The following RALGPS1 variants were observed in gnomAD, a reference collection of about 807,000 sequenced individuals.
RALGPS1 encodes the protein ras-specific guanine nucleotide-releasing factor RalGPS1.
In RALGPS1, 19 loss-of-function variants were observed where a neutral mutation model predicts 78.8. That is an observed-to-expected ratio of 0.24 (90% CI 0.17 to 0.35). RALGPS1 has a LOEUF of 0.35. Among genes scored for constraint, RALGPS1 ranks in the 10% least tolerant of loss-of-function variants. The probability of loss-of-function intolerance (pLI) is 1.00; values close to 1 mark genes in which losing one functional copy is unlikely to be tolerated. For missense variants in RALGPS1, 454 were observed against 688.3 expected (o/e 0.66, Z 3.81); for synonymous variants, 228 against 256.3 (o/e 0.89, Z 1.06).
intron 4 of RALGPS1, among the ~76,000 whole-genome samples, chr9:127,015,518 A>C (rs1564420324): frequency 6.6e-6 from 1 of 152,082 alleles, no homozygotes; most frequent in African/African-American, 2.4e-5. Flanking sequence ...TCGCCTCTCA[A>C]AGTGAGGAGG....
chr9:127,089,997 C>A (rs2136355698), intron 8 of RALGPS1, among the ~76,000 whole-genome samples: 1 of 152,280 alleles, frequency 6.6e-6, no homozygotes, highest in Non-Finnish European at 1.5e-5. Context: ...GTGGCCGAGG[C>A]CGTGGGATGA....
chr9:127,166,916 A>T (rs762950568), intron 9 of RALGPS1, among the ~76,000 whole-genome samples: 10 of 151,782 alleles, frequency 6.6e-5, no homozygotes, highest in Non-Finnish European at 1.2e-4. Context: ...ACCCGAGAAG[A>T]TGGCAGACTT....
At chr9:127,049,872 T>G (rs1200708233) in intron 5 of RALGPS1, among the ~76,000 whole-genome samples, 171 bp from the exon 6 acceptor site, 1 of 152,198 alleles carries the variant, frequency 6.6e-6, no homozygotes, top group African/African-American at 2.4e-5. Flanking sequence ...TTTGCAGGGT[T>G]GGGTGCTGTA....
chr9:126,975,088 G>T (rs893016021), intron 3 of RALGPS1, among the ~76,000 whole-genome samples: 2 of 152,228 alleles, frequency 1.3e-5, no homozygotes, highest in East Asian at 3.9e-4. Context: ...TCGATAATCT[G>T]ATGATCTTTG....
chr9:127,112,848 C>T (rs1446925461), intron 8 of RALGPS1, among the ~76,000 whole-genome samples: 1 of 152,232 alleles, frequency 6.6e-6, no homozygotes, highest in East Asian at 1.9e-4. Context: ...CTAATGCTTG[C>T]ACAGGGCTTT....
intron 1 of RALGPS1, among the ~76,000 whole-genome samples, chr9:126,951,037 C>T (rs2037764751): frequency 6.6e-6 from 1 of 152,220 alleles, no homozygotes; most frequent in Non-Finnish European, 1.5e-5. Flanking sequence ...ATACAACAAA[C>T]ACCTCTATGC....
chr9:126,958,142 A>AAAAAAT (rs113413659), intron 1 of RALGPS1, among the ~76,000 whole-genome samples: 2 of 77,082 alleles, frequency 2.6e-5, no homozygotes, highest in African/African-American at 4.1e-5. Context: ...AAAAAAAAAA[A>AAAAAAT]ATATATATAT....
At chr9:127,184,206 C>T in intron 11 of RALGPS1, 1 of 680,234 alleles carries the variant, frequency 1.5e-6, no homozygotes, top group Non-Finnish European at 2.4e-6. Flanking sequence ...GTGCCTACAG[C>T]CCCAGCTCCT....
At chr9:126,964,620 C>A (rs913796188) in intron 2 of RALGPS1, among the ~76,000 whole-genome samples, 3 of 103,640 alleles carry the variant, frequency 2.9e-5, no homozygotes, top group Non-Finnish European at 7.2e-5. Context: ...CCTATCTGAC[C>A]TCAGAGGTCT....
At chr9:127,181,510 A>G (rs1049337466) in intron 11 of RALGPS1, among the ~76,000 whole-genome samples, 1 of 152,268 alleles carries the variant, frequency 6.6e-6, no homozygotes, top group African/African-American at 2.4e-5. Context: ...ATATCCGTAT[A>G]GTGCAAGTAG....
At chr9:127,204,388 G>A (rs1252161403) in intron 14 of RALGPS1, among the ~76,000 whole-genome samples, 5 of 152,158 alleles carry the variant, frequency 3.3e-5, no homozygotes, top group African/African-American at 1.2e-4. Flanking sequence ...CCAAAGTGCT[G>A]GGATGACAGG....
At chr9:126,933,677 C>T (rs1210212397) in intron 1 of RALGPS1, among the ~76,000 whole-genome samples, 2 of 152,114 alleles carry the variant, frequency 1.3e-5, no homozygotes, top group Non-Finnish European at 2.9e-5. Flanking sequence ...GAGGCTGCCC[C>T]CTTGTAACCT....
At chr9:127,148,185 G>A (rs1403474928) in intron 8 of RALGPS1, among the ~76,000 whole-genome samples, 2 of 152,234 alleles carry the variant, frequency 1.3e-5, no homozygotes, top group African/African-American at 4.8e-5. Context: ...AGAAGCTGCG[G>A]TTGCCCAGAA....
At position 126,917,523 on chromosome 9, in the gene RALGPS1, C is replaced by T. The variant is rs75366435; in HGVS notation, c.-66+2548C>T. ...GGAAGTCAGTCAGGTCTGTTTGAAA[C>T]TGCAGGCTGCCACCTCCTGCTGAGT... On this transcript the variant is annotated intron_variant, in intron 1 of 18. Transcript: ENST00000259351. Among the ~76,000 whole-genome samples, 370 of 152,326 alleles carry T rather than the reference C, an allele frequency of 2.4e-3. 3 individuals carry two copies. The highest frequency in any genetic ancestry group is 8.4e-3 in the African/African-American group (349 of 41,566).
At chr9:127,033,889 A>G (rs2046637262) in intron 4 of RALGPS1, among the ~76,000 whole-genome samples, 2 of 152,202 alleles carry the variant, frequency 1.3e-5, no homozygotes, top group South Asian at 2.1e-4. Flanking sequence ...TTCCTTCTGC[A>G]TGCTTTTGGT....
intron 11 of RALGPS1, 71 bp downstream of exon 11, chr9:127,174,853 A>G: frequency 7.0e-7 from 1 of 1,425,652 alleles, no homozygotes; most frequent in Non-Finnish European, 9.9e-7. Context: ...GTTGGCCTTG[A>G]CCGGGGAGGC....
chr9:126,960,499 G>T (rs2038805042), intron 1 of RALGPS1, among the ~76,000 whole-genome samples: 1 of 151,940 alleles, frequency 6.6e-6, no homozygotes, highest in Admixed American at 6.6e-5. Flanking sequence ...CTCCCAAAGT[G>T]CTGGGATTAC....
At chr9:127,004,640 C>T (rs767258915) in intron 4 of RALGPS1, among the ~76,000 whole-genome samples, 2 of 152,142 alleles carry the variant, frequency 1.3e-5, no homozygotes, top group Non-Finnish European at 2.9e-5. Context: ...CTGTAACTTA[C>T]CTTTATGATT....
At chr9:126,963,205 G>A (rs923467185) in intron 2 of RALGPS1, among the ~76,000 whole-genome samples, 4 of 152,136 alleles carry the variant, frequency 2.6e-5, no homozygotes, top group African/African-American at 9.7e-5. Context: ...TGTGTTTGGG[G>A]CAGATACAAT....
Sources: gnomAD v4.1 joint callset for allele counts (sites outside exome capture counted in the v4.1 genomes callset) on GRCh38, gnomAD v4.1.1 for gene constraint, MANE v1.5 for transcripts, NCBI Gene and HGNC (gene_info 2026-07-23, HGNC 2026-07-21) for gene names.